TBC1D4: variants seen among roughly 807,000 people sequenced by gnomAD.
The protein encoded by TBC1D4 is TBC1 domain family member 4, also known as TBC (Tre-2, BUB2, CDC16) domain-containing protein.
TBC1D4 carries 121 observed loss-of-function variants against 142.5 expected under a neutral mutation model. That is an observed-to-expected ratio of 0.85 (90% CI 0.73 to 0.99). TBC1D4 has a LOEUF of 0.99. Ranked by LOEUF, TBC1D4 falls within the 50% of genes least tolerant of loss-of-function variation. The pLI, the probability that TBC1D4 is intolerant of heterozygous loss-of-function variation, is 0.00. For synonymous variants in TBC1D4, 630 were observed against 628.2 expected, an observed-to-expected ratio of 1.00 and a Z score of -0.04; for missense variants, 1,475 against 1,606.6, an observed-to-expected ratio of 0.92 and a Z score of 1.40.
intron 8 of TBC1D4, among the ~76,000 whole-genome samples, chr13:75,329,393 C>G (rs1879556460): frequency 6.6e-6 from 1 of 151,494 alleles, no homozygotes; most frequent in Admixed American, 6.6e-5. Context: ...ATTACCCTCC[C>G]CTCCCCTTCC....
intron 14 of TBC1D4, among the ~76,000 whole-genome samples, chr13:75,307,405 A>G (rs752828160): frequency 3.3e-5 from 5 of 152,222 alleles, no homozygotes; most frequent in Non-Finnish European, 7.3e-5. Context: ...AGAAATGTCT[A>G]TAAAAGCAAC....
intron 1 of TBC1D4, among the ~76,000 whole-genome samples, chr13:75,437,148 TA>T (rs1239373155): frequency 5.9e-5 from 9 of 152,162 alleles, no homozygotes; most frequent in Non-Finnish European, 1.3e-4. Flanking sequence ...ATCCTAGGCC[TA>T]AAGGGGTATT....
At chr13:75,349,085 G>C in intron 5 of TBC1D4, 85 bp downstream of exon 5, 3 of 1,589,950 alleles carry the variant, frequency 1.9e-6, no homozygotes, top group Non-Finnish European at 2.6e-6. Flanking sequence ...TCGAAACAAA[G>C]AACTATTCAA....
chr13:75,347,211 ATTG>A (rs368208543), intron 5 of TBC1D4, among the ~76,000 whole-genome samples: 129 of 152,302 alleles, frequency 8.5e-4, no homozygotes, highest in African/African-American at 3.0e-3. Context: ...TGAGTATCTT[ATTG>A]TTGTTTCCAT....
intron 1 of TBC1D4, among the ~76,000 whole-genome samples, chr13:75,387,770 G>A (rs1884260346): frequency 6.6e-6 from 1 of 152,140 alleles, no homozygotes; most frequent in Non-Finnish European, 1.5e-5. Flanking sequence ...ATTTTGTTAT[G>A]AGTCACTCTT....
At chr13:75,346,255 TCATCTA>T (rs1197037302) in intron 5 of TBC1D4, among the ~76,000 whole-genome samples, 1 of 152,182 alleles carries the variant, frequency 6.6e-6, no homozygotes, top group African/African-American at 2.4e-5. Context: ...CATCAACCTG[TCATCTA>T]CATTAGGTAT....
chr13:75,359,146 A>G (rs1184811080), intron 3 of TBC1D4, among the ~76,000 whole-genome samples: 1 of 152,050 alleles, frequency 6.6e-6, no homozygotes, highest in African/African-American at 2.4e-5. Flanking sequence ...ACCTCCCTAC[A>G]TTTACATTTA....
intron 12 of TBC1D4, among the ~76,000 whole-genome samples, chr13:75,318,962 A>G (rs535287080): frequency 5.3e-5 from 8 of 152,312 alleles, no homozygotes; most frequent in African/African-American, 1.7e-4. Context: ...TTGGAGTTCA[A>G]TCTATCCATG....
intron 10 of TBC1D4, 48 bp downstream of exon 10, chr13:75,326,149 T>C (rs1879225733): frequency 5.0e-6 from 8 of 1,598,874 alleles, no homozygotes; most frequent in Non-Finnish European, 6.9e-6. Flanking sequence ...TAATCAAAAC[T>C]GTGTGCCTTG....
At chr13:75,474,646 CTTT>C (rs71127545) in intron 1 of TBC1D4, among the ~76,000 whole-genome samples, 510 of 146,392 alleles carry the variant, frequency 3.5e-3, no homozygotes, top group Non-Finnish European at 3.8e-3. Context: ...ATAATTTAAC[CTTT>C]TTTTTTTTTT....
At chr13:75,467,363 C>T (rs774600627) in intron 1 of TBC1D4, among the ~76,000 whole-genome samples, 10 of 152,120 alleles carry the variant, frequency 6.6e-5, no homozygotes, top group African/African-American at 2.2e-4. Context: ...TAATGGAAAG[C>T]GGGTTTCCAA....
chr13:75,305,159 T>C (rs140204340), intron 15 of TBC1D4, among the ~76,000 whole-genome samples: 42 of 152,304 alleles, frequency 2.8e-4, no homozygotes, highest in African/African-American at 9.6e-4. Flanking sequence ...TCTCTTTTGT[T>C]TGCCTCCATG....
chr13:75,337,122 C>A (rs1302231663), intron 7 of TBC1D4, 82 bp from the exon 8 acceptor site: 2 of 1,355,810 alleles, frequency 1.5e-6, no homozygotes, highest in African/African-American at 2.9e-5. Flanking sequence ...TAAGACTAAG[C>A]TATTAAAAAA....
intron 1 of TBC1D4, among the ~76,000 whole-genome samples, chr13:75,409,037 A>ACAAG (rs1270209375): frequency 2.8e-4 from 2 of 7,078 alleles, no homozygotes; most frequent in Non-Finnish European, 6.0e-4. Flanking sequence ...ATATATACAC[A>ACAAG]CACGCACACA....
intron 1 of TBC1D4, among the ~76,000 whole-genome samples, chr13:75,478,483 T>C (rs1490586763): frequency 6.6e-6 from 1 of 152,226 alleles, no homozygotes; most frequent in East Asian, 1.9e-4. Flanking sequence ...GTAGACTTTA[T>C]AGACTCTGTC....
intron 1 of TBC1D4, among the ~76,000 whole-genome samples, chr13:75,436,725 T>C (rs1003638680): frequency 6.6e-6 from 1 of 151,932 alleles, no homozygotes; most frequent in Non-Finnish European, 1.5e-5. Context: ...GAATCATCAA[T>C]GGACACTAAT....
At chr13:75,381,192 C>T (rs1309096345) in intron 1 of TBC1D4, among the ~76,000 whole-genome samples, 2 of 151,902 alleles carry the variant, frequency 1.3e-5, no homozygotes, top group South Asian at 2.1e-4. Context: ...TATTTTTCTC[C>T]ACCTCCTCTT....
rs1874467337 is a variant in TBC1D4 at position 75,283,779 on chromosome 13, T to C, written c.*3013A>G. ...AAAGTAAGTTGAAAAATGGTAACAA[T>C]GTACTTACATAAATGTCTCCTAAAT... On this transcript the variant is annotated 3_prime_UTR_variant, in exon 21 of 21. Coordinates refer to ENST00000377636, the MANE Select transcript of TBC1D4 (RefSeq NM_014832.5). Among the ~76,000 whole-genome samples the C allele has an allele frequency of 6.6e-6, 1 of 152,254 alleles. No homozygotes were observed. Among genetic ancestry groups the C allele is most frequent in the Non-Finnish European group, 1.5e-5 (1 of 68,042 alleles).
intron 15 of TBC1D4, 150 bp downstream of exon 15, chr13:75,306,163 G>C (rs959491492): frequency 2.7e-6 from 2 of 727,616 alleles, no homozygotes; most frequent in South Asian, 3.9e-5. Flanking sequence ...CTAAACTACA[G>C]GAAGAAACAA....
Sources: gnomAD v4.1 joint callset for allele counts (sites outside exome capture counted in the v4.1 genomes callset) on GRCh38, gnomAD v4.1.1 for gene constraint, MANE v1.5 for transcripts, NCBI Gene and HGNC (gene_info 2026-07-23, HGNC 2026-07-21) for gene names.